The following NCKAP5 variants were observed in gnomAD, a reference collection of about 807,000 sequenced individuals.
The protein encoded by NCKAP5 is nck-associated protein 5.
NCKAP5 carries 92 observed loss-of-function variants against 167.0 expected under a neutral mutation model. The observed-to-expected ratio is 0.55, with a 90% CI of 0.47 to 0.66. The LOEUF is 0.66. Ranked by LOEUF, NCKAP5 falls within the 30% of genes least tolerant of loss-of-function variation. NCKAP5 has a pLI of 0.00. For missense variants in NCKAP5, 2,378 were observed against 2,315.0 expected, an observed-to-expected ratio of 1.03 and a Z score of -0.56; for synonymous variants, 891 against 877.4, an observed-to-expected ratio of 1.02 and a Z score of -0.27.
At chr2:133,546,685 A>C (rs1180905467) in intron 2 of NCKAP5, among the ~76,000 whole-genome samples, 2 of 152,126 alleles carry the variant, frequency 1.3e-5, no homozygotes, top group East Asian at 3.9e-4. Context: ...AAAACAAAAA[A>C]ACAAAACAAC....
intron 11 of NCKAP5, among the ~76,000 whole-genome samples, chr2:132,805,238 C>G (rs1685340575): frequency 2.0e-5 from 3 of 152,012 alleles, no homozygotes; most frequent in Admixed American, 2.0e-4. Context: ...ACCTGTCTTG[C>G]AAGTGAAAAA....
chr2:132,910,561 C>T (rs1035365320), intron 8 of NCKAP5, among the ~76,000 whole-genome samples: 1 of 152,150 alleles, frequency 6.6e-6, no homozygotes, highest in Non-Finnish European at 1.5e-5. Context: ...AACATAATCA[C>T]CTCCAGTTCC....
chr2:133,161,811 C>T lies in NCKAP5; in HGVS notation c.208-31700G>A, dbSNP rs150240021. Among the ~76,000 whole-genome samples, 290 of 152,276 alleles carry T rather than the reference C, an allele frequency of 1.9e-3. 3 individuals are homozygous for T. Among genetic ancestry groups the T allele is most frequent in the African/African-American group, 6.8e-3 (281 of 41,548 alleles). ...CTGTCCAAGGAAGGTTTATTTTATT[C>T]TTTTATGCCAGAAAGACATGAGGTA... On this transcript the variant is annotated intron_variant, in intron 5 of 19. Transcript: ENST00000409261.
At chr2:132,968,641 A>T (rs1573583963) in intron 7 of NCKAP5, among the ~76,000 whole-genome samples, 1 of 152,232 alleles carries the variant, frequency 6.6e-6, no homozygotes, top group Non-Finnish European at 1.5e-5. Flanking sequence ...AACAGAAAAA[A>T]GCACCTCTAC....
chr2:133,483,977 T>C (rs764889663), intron 3 of NCKAP5, among the ~76,000 whole-genome samples: 13 of 152,238 alleles, frequency 8.5e-5, no homozygotes, highest in Non-Finnish European at 1.5e-4. Flanking sequence ...TATAATTTTA[T>C]TCTATTAATT....
At chr2:133,650,319 TA>T in the NCKAP5 span, among the ~76,000 whole-genome samples, 122 of 151,860 alleles carry the variant, frequency 8.0e-4, 2 homozygotes, top group East Asian at 0.021. Context: ...ATCTAATAAC[TA>T]AAAAAAAGTC....
intron 7 of NCKAP5, among the ~76,000 whole-genome samples, chr2:132,978,358 A>G (rs1294855744): frequency 2.6e-5 from 4 of 152,136 alleles, no homozygotes; most frequent in Non-Finnish European, 1.5e-5. Flanking sequence ...TGTTGCCACA[A>G]TCATAGGGAG....
chr2:133,539,444 C>T (rs1686047094), intron 2 of NCKAP5, among the ~76,000 whole-genome samples: 1 of 151,960 alleles, frequency 6.6e-6, no homozygotes, highest in East Asian at 1.9e-4. Context: ...ATAAAAAATA[C>T]AGATAATTCA....
chr2:133,615,061 T>C, the NCKAP5 span, among the ~76,000 whole-genome samples: 8 of 150,158 alleles, frequency 5.3e-5, no homozygotes, highest in African/African-American at 1.9e-4. Flanking sequence ...GCTTCATAAG[T>C]GAAGGAGAAA....
At chr2:132,685,475 C>T (rs753052765) in intron 19 of NCKAP5, among the ~76,000 whole-genome samples, 1 of 152,084 alleles carries the variant, frequency 6.6e-6, no homozygotes, top group South Asian at 2.1e-4. Context: ...CCAGTAACGT[C>T]GGAAATGAAT....
chr2:132,843,868 C>T (rs1290003729), intron 11 of NCKAP5, among the ~76,000 whole-genome samples: 4 of 152,094 alleles, frequency 2.6e-5, no homozygotes, highest in African/African-American at 9.7e-5. Flanking sequence ...ACACATATCC[C>T]TCACACATTT....
chr2:132,897,781 G>A (rs939598696), intron 8 of NCKAP5, among the ~76,000 whole-genome samples: 1 of 152,306 alleles, frequency 6.6e-6, no homozygotes, highest in East Asian at 1.9e-4. Flanking sequence ...ACAGCCTTAT[G>A]TCCAGAAAAT....
At chr2:133,207,497 T>A (rs546189059) in intron 5 of NCKAP5, among the ~76,000 whole-genome samples, 1 of 152,248 alleles carries the variant, frequency 6.6e-6, no homozygotes, top group African/African-American at 2.4e-5. Flanking sequence ...AGCACCAAGA[T>A]CTTGGTTTCA....
At chr2:132,684,334 G>C (rs1685650573) in intron 19 of NCKAP5, among the ~76,000 whole-genome samples, 1 of 152,172 alleles carries the variant, frequency 6.6e-6, no homozygotes, top group South Asian at 2.1e-4. Context: ...CTGTAAAGAA[G>C]GTCCAGGGGA....
intron 16 of NCKAP5, among the ~76,000 whole-genome samples, chr2:132,733,635 T>A (rs1052433091): frequency 6.6e-6 from 1 of 152,222 alleles, no homozygotes. Context: ...TACATATTAG[T>A]AGATATCTGA....
At chr2:133,382,007 A>G (rs975237408) in intron 3 of NCKAP5, among the ~76,000 whole-genome samples, 3 of 152,194 alleles carry the variant, frequency 2.0e-5, no homozygotes, top group Admixed American at 1.3e-4. Flanking sequence ...AGGTATTCCA[A>G]TTTAACACAT....
chr2:133,656,887 T>C, the NCKAP5 span, among the ~76,000 whole-genome samples: 3 of 152,226 alleles, frequency 2.0e-5, no homozygotes, highest in Admixed American at 1.3e-4. Flanking sequence ...GCAGTATACA[T>C]TGCACCATAT....
At chr2:133,405,284 C>G (rs560943580) in intron 3 of NCKAP5, among the ~76,000 whole-genome samples, 11 of 152,272 alleles carry the variant, frequency 7.2e-5, no homozygotes, top group Admixed American at 2.6e-4. Flanking sequence ...GACTCCTGGT[C>G]AACAGCACTA....
chr2:132,966,198 C>A (rs992225622), intron 7 of NCKAP5, among the ~76,000 whole-genome samples: 14 of 152,150 alleles, frequency 9.2e-5, no homozygotes, highest in African/African-American at 3.4e-4. Context: ...CTCCCAGGTT[C>A]AAGCAATTCT....
Sources: allele counts gnomAD v4.1 joint callset (sites outside exome capture counted in the v4.1 genomes callset), GRCh38; gene constraint gnomAD v4.1.1; transcripts MANE v1.5; gene names NCBI Gene and HGNC (gene_info 2026-07-23, HGNC 2026-07-21).